NWD2: variants seen among roughly 807,000 people sequenced by gnomAD.
NWD2 encodes NACHT and WD repeat domain containing 2.
NWD2 carries 37 observed loss-of-function variants against 132.7 expected under a neutral mutation model. The observed-to-expected ratio is 0.28, with a 90% confidence interval of 0.21 to 0.37. The LOEUF (loss-of-function observed/expected upper bound fraction) is 0.37, where lower values mean the gene tolerates loss of function less well. Among genes scored for constraint, NWD2 ranks in the 10% least tolerant of loss-of-function variants. The pLI, the probability that NWD2 is intolerant of heterozygous loss-of-function variation, is 1.00. For missense variants in NWD2, 1,592 were observed against 2,122.4 expected (o/e 0.75, Z 4.91); for synonymous variants, 705 against 803.0 (o/e 0.88, Z 2.06).
chr4:37,326,226 T>G (rs533669632), intron 2 of NWD2, among the ~76,000 whole-genome samples: 1 of 152,190 alleles, frequency 6.6e-6, no homozygotes, highest in Admixed American at 6.5e-5. Flanking sequence ...ATGCTGTGCT[T>G]CTTGGACCCT....
At chr4:37,269,219 A>G (rs1361091654) in intron 1 of NWD2, among the ~76,000 whole-genome samples, 2 of 151,950 alleles carry the variant, frequency 1.3e-5, no homozygotes, top group Non-Finnish European at 2.9e-5. Context: ...GAACATATGG[A>G]AAATAACGCC....
chr4:37,416,042 A>G (rs1711588967), intron 3 of NWD2, among the ~76,000 whole-genome samples: 1 of 152,228 alleles, frequency 6.6e-6, no homozygotes, highest in Non-Finnish European at 1.5e-5. Context: ...AGCATGGCTG[A>G]AAGGCCTCAG....
At chr4:37,255,569 G>C (rs893134002) in intron 1 of NWD2, among the ~76,000 whole-genome samples, 1 of 152,220 alleles carries the variant, frequency 6.6e-6, no homozygotes, top group Non-Finnish European at 1.5e-5. Context: ...GATAAAAATT[G>C]AAGGAGTTTT....
intron 3 of NWD2, among the ~76,000 whole-genome samples, chr4:37,358,568 C>A (rs1369850080): frequency 6.6e-6 from 1 of 152,030 alleles, no homozygotes; most frequent in Admixed American, 6.6e-5. Flanking sequence ...GATCCAGTAT[C>A]CCTGGGTTCT....
intron 1 of NWD2, among the ~76,000 whole-genome samples, chr4:37,301,801 C>A (rs1267390969): frequency 6.6e-6 from 1 of 151,768 alleles, no homozygotes; most frequent in Non-Finnish European, 1.5e-5. Flanking sequence ...TCAGCTGGTT[C>A]TTTTGTTTGA....
chr4:37,295,075 G>T (rs1017492702), intron 1 of NWD2, among the ~76,000 whole-genome samples: 1 of 152,138 alleles, frequency 6.6e-6, no homozygotes, highest in African/African-American at 2.4e-5. Flanking sequence ...ATAAAATAAG[G>T]TGAACACAGA....
chr4:37,250,033 C>T (rs955697201), intron 1 of NWD2, among the ~76,000 whole-genome samples: 1 of 152,136 alleles, frequency 6.6e-6, no homozygotes, highest in African/African-American at 2.4e-5. Context: ...TCACGTGAAA[C>T]CTATCAGTAT....
At chr4:37,397,385 T>G (rs1350219592) in intron 3 of NWD2, among the ~76,000 whole-genome samples, 1 of 152,192 alleles carries the variant, frequency 6.6e-6, no homozygotes, top group Non-Finnish European at 1.5e-5. Flanking sequence ...AACATTTTAA[T>G]CAGTAGACTT....
intron 1 of NWD2, among the ~76,000 whole-genome samples, chr4:37,321,880 T>C (rs1329005999): frequency 2.0e-5 from 3 of 152,186 alleles, no homozygotes; most frequent in East Asian, 3.8e-4. Context: ...CCTTCACATA[T>C]TTAGAAAGGC....
At chr4:37,305,061 AC>A (rs1157446797) in intron 1 of NWD2, among the ~76,000 whole-genome samples, 1 of 152,152 alleles carries the variant, frequency 6.6e-6, no homozygotes, top group African/African-American at 2.4e-5. Flanking sequence ...CCAGTTCTTG[AC>A]TTCTGGGCAC....
At chr4:37,382,624 T>G (rs1720475480) in intron 3 of NWD2, among the ~76,000 whole-genome samples, 1 of 152,166 alleles carries the variant, frequency 6.6e-6, no homozygotes, top group Non-Finnish European at 1.5e-5. Flanking sequence ...AGGAATGATT[T>G]TCACTGAATC....
intron 1 of NWD2, among the ~76,000 whole-genome samples, chr4:37,283,356 C>T (rs1299803396): frequency 6.6e-6 from 1 of 152,156 alleles, no homozygotes; most frequent in African/African-American, 2.4e-5. Flanking sequence ...ATAGCACTTA[C>T]GTTCTCTTTA....
At chr4:37,403,520 G>GGA (rs1174216784) in intron 3 of NWD2, among the ~76,000 whole-genome samples, 2 of 152,266 alleles carry the variant, frequency 1.3e-5, no homozygotes, top group African/African-American at 4.8e-5. Context: ...TTTCCCCAGT[G>GGA]GAGACGATTT....
chr4:37,359,398 A>G (rs1292436551), intron 3 of NWD2, among the ~76,000 whole-genome samples: 4 of 152,104 alleles, frequency 2.6e-5, no homozygotes, highest in Non-Finnish European at 4.4e-5. Flanking sequence ...AGAAAAAAAA[A>G]GTACTCCTCT....
chr4:37,408,113 C>T (rs1258488203), intron 3 of NWD2, among the ~76,000 whole-genome samples: 1 of 152,212 alleles, frequency 6.6e-6, no homozygotes, highest in African/African-American at 2.4e-5. Flanking sequence ...TGGGCAGACA[C>T]TGAACTAGCT....
rs1712602992 is a variant in NWD2 at position 37,445,257 on chromosome 4, G to A, written c.3269G>A (p.Trp1090Ter). 6.4e-7 allele frequency: 1 copy of A among 1,551,872 alleles called. No homozygotes were observed. Among genetic ancestry groups the A allele is most frequent in the Middle Eastern group, 1.7e-4 (1 of 5,994 alleles). ...ACTGTCATCGATCTGCTGTACGGATGGCCGCTTTACCAGTTCCACTGCTGG... is the reference window on the plus strand; with the variant it reads ...ACTGTCATCGATCTGCTGTACGGATAGCCGCTTTACCAGTTCCACTGCTGG... ...DVTVIDLLYG[W>*]PLYQFHCWYE... Residue 1090 changes from tryptophan to a stop codon, truncating the protein, a stop_gained, in exon 7 of 7, where the codon TGG (tryptophan) becomes TAG (stop). Coordinates refer to ENST00000309447, the MANE Select transcript of NWD2 (RefSeq NM_001144990.2). LOFTEE classifies it high-confidence loss of function. This position sits in a 1 kb window ranked among gnomAD's most constrained non-coding sequence, Gnocchi z 4.7.
chr4:37,384,454 A>T (rs1720519688), intron 3 of NWD2, among the ~76,000 whole-genome samples: 1 of 152,192 alleles, frequency 6.6e-6, no homozygotes, highest in Non-Finnish European at 1.5e-5. Flanking sequence ...TGAATATATA[A>T]TACTTTTTCT....
chr4:37,295,333 C>G (rs140434726), intron 1 of NWD2, among the ~76,000 whole-genome samples: 1,748 of 152,296 alleles, frequency 0.011, 20 homozygotes, highest in Admixed American at 0.035. Context: ...TTGAACACCT[C>G]CAATAGTTGT....
intron 1 of NWD2, among the ~76,000 whole-genome samples, chr4:37,321,951 T>C (rs554372774): frequency 6.6e-6 from 1 of 152,302 alleles, no homozygotes; most frequent in East Asian, 1.9e-4. Flanking sequence ...AATATTTCAG[T>C]TCATTCATTT....
Sources: gnomAD v4.1 joint callset for allele counts (sites outside exome capture counted in the v4.1 genomes callset) on GRCh38, gnomAD v4.1.1 for gene constraint, Gnocchi (gnomAD v3.1) non-coding constraint, MANE v1.5 for transcripts, NCBI Gene and HGNC (gene_info 2026-07-23, HGNC 2026-07-21) for gene names.